The following AUTS2 variants were observed in gnomAD, a reference collection of about 807,000 sequenced individuals.
The protein encoded by AUTS2 is activator of transcription and developmental regulator AUTS2.
AUTS2 carries 17 observed loss-of-function variants against 112.4 expected under a neutral mutation model. The ratio of observed to expected loss-of-function variants is 0.15; its 90% CI spans 0.10 to 0.23. AUTS2 has a LOEUF of 0.23. Ranked by LOEUF, AUTS2 falls within the 10% of genes least tolerant of loss-of-function variation. The pLI, the probability that AUTS2 is intolerant of heterozygous loss-of-function variation, is 1.00. For missense variants in AUTS2, 1,510 were observed against 1,701.6 expected, an observed-to-expected ratio of 0.89 and a Z score of 1.98; for synonymous variants, 751 against 702.7, an observed-to-expected ratio of 1.07 and a Z score of -1.09.
Position 70,077,632 on chromosome 7 carries a change from C to G in AUTS2, c.523-40500C>G, listed in dbSNP as rs188454954. Among the ~76,000 whole-genome samples, 3 of 152,242 alleles carry G rather than the reference C, an allele frequency of 2.0e-5. No individual in the cohort carries two copies. In the East Asian group the frequency reaches 5.8e-4, roughly 29 times the overall value. On this transcript the variant is annotated intron_variant, in intron 2 of 18. Coordinates refer to ENST00000342771, the MANE Select transcript of AUTS2 (RefSeq NM_015570.4). ...CATAATGAAAACATTTGGAAGTTGA[C>G]CAGAAATTATACCTGGGGATTCCTA... is the stretch of plus-strand genomic sequence containing the variant.
rs1001762951 is a variant in AUTS2 at position 70,219,481 on chromosome 7, T to A, written c.660+84910T>A. Among the ~76,000 whole-genome samples the A allele has an allele frequency of 2.0e-5, 3 of 152,286 alleles. No homozygotes were observed. The East Asian group carries it at 5.8e-4, about 29-fold the overall frequency. On this transcript the variant is annotated intron_variant, in intron 4 of 18. Transcript: ENST00000342771. Reference sequence around the variant, plus strand: ...AGTGTATAGACATCACAGTAAAAGATGTCTCCTCACCAGTGGAAGAACATT... The same window carrying A: ...AGTGTATAGACATCACAGTAAAAGAAGTCTCCTCACCAGTGGAAGAACATT...
At chr7:70,744,916 C>A (rs919150545) in intron 6 of AUTS2, among the ~76,000 whole-genome samples, 1 of 152,138 alleles carries the variant, frequency 6.6e-6, no homozygotes, top group African/African-American at 2.4e-5. Flanking sequence ...CTTCCAGGTG[C>A]TCTGGAGTTG....
At chr7:69,965,058 C>A (rs10275134) in intron 2 of AUTS2, among the ~76,000 whole-genome samples, 1 of 151,764 alleles carries the variant, frequency 6.6e-6, no homozygotes. Context: ...GTTCCCCTTA[C>A]AAGAATCACA....
intron 4 of AUTS2, among the ~76,000 whole-genome samples, chr7:70,353,884 A>AT (rs1310324288): frequency 6.6e-6 from 1 of 152,170 alleles, no homozygotes; most frequent in African/African-American, 2.4e-5. Context: ...CTGCCTCACC[A>AT]TCCTGCCTTG....
intron 5 of AUTS2, among the ~76,000 whole-genome samples, chr7:70,649,003 T>A (rs1806332169): frequency 6.6e-6 from 1 of 152,170 alleles, no homozygotes; most frequent in South Asian, 2.1e-4. Context: ...AGAGTTTAGA[T>A]CTGTTTTGAA....
chr7:70,013,859 A>G (rs571479802), intron 2 of AUTS2, among the ~76,000 whole-genome samples: 8 of 152,152 alleles, frequency 5.3e-5, no homozygotes, highest in African/African-American at 1.9e-4. Flanking sequence ...CTGGGACTAC[A>G]GGCACGTATC....
At chr7:69,983,769 G>A (rs991519617) in intron 2 of AUTS2, among the ~76,000 whole-genome samples, 1 of 151,730 alleles carries the variant, frequency 6.6e-6, no homozygotes, top group Non-Finnish European at 1.5e-5. Context: ...TAATAGGTAG[G>A]TGACCCATTC....
At chr7:69,912,649 C>G (rs1381527090) in intron 2 of AUTS2, among the ~76,000 whole-genome samples, 1 of 152,140 alleles carries the variant, frequency 6.6e-6, no homozygotes, top group African/African-American at 2.4e-5. Flanking sequence ...CTTCTCTTCC[C>G]CCTTTCAAAC....
intron 5 of AUTS2, among the ~76,000 whole-genome samples, chr7:70,649,064 A>T (rs559816251): frequency 6.6e-6 from 1 of 152,268 alleles, no homozygotes; most frequent in South Asian, 2.1e-4. Flanking sequence ...ATATATGTCA[A>T]CCTCAGCTTA....
chr7:70,468,304 A>T (rs1797246659), intron 5 of AUTS2, among the ~76,000 whole-genome samples: 1 of 152,136 alleles, frequency 6.6e-6, no homozygotes, highest in South Asian at 2.1e-4. Context: ...TTGTCCTTTG[A>T]TGGAAGGTGT....
In AUTS2 at chr7:69,705,253, G is replaced by T. The variant is rs149337359; in HGVS notation, c.309+105291G>T. Among the ~76,000 whole-genome samples the T allele has an allele frequency of 7.6e-4, 115 of 152,282 alleles. 1 individual carries two copies. The highest frequency in any genetic ancestry group is 2.6e-3 in the African/African-American group (108 of 41,546). ...ATAGGTGTTAGGTATTCCTAACAATGTGCGTGCATAGGTCATCGGGCCTAT... is the reference window on the plus strand; with the variant it reads ...ATAGGTGTTAGGTATTCCTAACAATTTGCGTGCATAGGTCATCGGGCCTAT... On this transcript the variant is annotated intron_variant, in intron 1 of 18. Coordinates refer to ENST00000342771, the MANE Select transcript of AUTS2 (RefSeq NM_015570.4).
chr7:69,628,425 G>A (rs1230686905), intron 1 of AUTS2, among the ~76,000 whole-genome samples: 1 of 152,212 alleles, frequency 6.6e-6, no homozygotes, highest in Non-Finnish European at 1.5e-5. Flanking sequence ...CCAGATCATA[G>A]GCAGTTGAAT....
rs558861585 is a variant in AUTS2 at position 70,210,842 on chromosome 7, A to G, written c.660+76271A>G. 2.0e-5 allele frequency among the ~76,000 whole-genome samples: 3 copies of G among 152,244 alleles called. No individual in the cohort carries two copies. The East Asian group carries it at 5.8e-4, about 29-fold the overall frequency. The stretch of plus-strand genomic sequence containing the variant: ...TATAAGCTCATCCTTATATTTTCCC[A>G]TTGTATGCATCGTTGCATGGCAAAC... On this transcript the variant is annotated intron_variant, in intron 4 of 18. Transcript: ENST00000342771.
chr7:70,576,586 A>G (rs1802179203), intron 5 of AUTS2, among the ~76,000 whole-genome samples: 1 of 152,214 alleles, frequency 6.6e-6, no homozygotes, highest in African/African-American at 2.4e-5. Flanking sequence ...GCAACCGAGA[A>G]TCAACATCTT....
chr7:70,588,151 G>A (rs1802769530), intron 5 of AUTS2, among the ~76,000 whole-genome samples: 1 of 152,246 alleles, frequency 6.6e-6, no homozygotes, highest in East Asian at 1.9e-4. Flanking sequence ...ATGATATGTA[G>A]TGAGCACATC....
At chr7:69,638,448 G>A (rs1042248652) in intron 1 of AUTS2, among the ~76,000 whole-genome samples, 1 of 152,212 alleles carries the variant, frequency 6.6e-6, no homozygotes, top group African/African-American at 2.4e-5. Context: ...CATAGTACTA[G>A]AATTGTATGT....
chr7:70,536,065 C>A (rs1800302836), intron 5 of AUTS2, among the ~76,000 whole-genome samples: 1 of 152,126 alleles, frequency 6.6e-6, no homozygotes, highest in African/African-American at 2.4e-5. Context: ...CGGTGGCTCA[C>A]CCCTGTAATA....
At chr7:69,951,684 C>T (rs1797033218) in intron 2 of AUTS2, among the ~76,000 whole-genome samples, 1 of 152,120 alleles carries the variant, frequency 6.6e-6, no homozygotes, top group Non-Finnish European at 1.5e-5. Context: ...TCCAGGATTC[C>T]AAGATGGCAG....
chr7:70,651,640 G>A (rs1563103180), intron 5 of AUTS2, among the ~76,000 whole-genome samples: 1 of 152,142 alleles, frequency 6.6e-6, no homozygotes, highest in Non-Finnish European at 1.5e-5. Context: ...CAAGATGGTT[G>A]TATGGGTACC....
Sources: allele counts gnomAD v4.1 joint callset (sites outside exome capture counted in the v4.1 genomes callset), GRCh38; gene constraint gnomAD v4.1.1; transcripts MANE v1.5; gene names NCBI Gene and HGNC (gene_info 2026-07-23, HGNC 2026-07-21).